Variants in CYSLTR2 observed in about 807,000 individuals in gnomAD.
CYSLTR2 encodes the protein cysteinyl leukotriene receptor 2, also known as G-protein coupled receptor GPCR21.
For synonymous variants in CYSLTR2, 179 were observed against 160.8 expected (o/e 1.11, Z -0.86); for missense variants, 398 against 411.9 (o/e 0.97, Z 0.29).
intron 1 of CYSLTR2, among the ~76,000 whole-genome samples, chr13:48,682,148 A>G (rs1300685291): frequency 6.6e-6 from 1 of 152,064 alleles, no homozygotes; most frequent in Admixed American, 6.6e-5. Flanking sequence ...TGCCCTGCCC[A>G]TCCAGAGCTG....
intron 3 of CYSLTR2, among the ~76,000 whole-genome samples, chr13:48,695,108 T>C: frequency 9.0e-6 from 1 of 111,346 alleles, no homozygotes; most frequent in African/African-American, 3.5e-5. Flanking sequence ...AGAGTCTCAC[T>C]CCATCACCCA....
At chr13:48,680,810 T>C (rs1468435074) in intron 1 of CYSLTR2, among the ~76,000 whole-genome samples, 1 of 140,886 alleles carries the variant, frequency 7.1e-6, no homozygotes, top group Admixed American at 7.1e-5. Context: ...CTTTTTTTTT[T>C]TTTTTTTTTT....
At chr13:48,687,529 TATCAATTATCTATC>T (rs1297309862) in intron 1 of CYSLTR2, among the ~76,000 whole-genome samples, 7 of 152,250 alleles carry the variant, frequency 4.6e-5, no homozygotes. Flanking sequence ...ATCTATTATC[TATCAATTATCTATC>T]ATCTATCAAT....
intron 3 of CYSLTR2, among the ~76,000 whole-genome samples, chr13:48,694,163 G>A (rs563012766): frequency 6.7e-6 from 1 of 150,270 alleles, no homozygotes; most frequent in East Asian, 1.9e-4. Flanking sequence ...TGTCTACAAT[G>A]AGGGCTGAGA....
chr13:48,683,940 A>C (rs1440290142), intron 1 of CYSLTR2, among the ~76,000 whole-genome samples: 2 of 152,170 alleles, frequency 1.3e-5, no homozygotes, highest in Non-Finnish European at 2.9e-5. Context: ...ATTATTTTAC[A>C]GACAGTCTCA....
rs189020321 is a variant in CYSLTR2, at chr13:48,665,203, A to T, written c.-266+11186A>T. On this transcript the variant is annotated intron_variant, in intron 1 of 4. Transcript: ENST00000682523. ...CGGTATGATTTTGATTCTTAAAAAA[A>T]TTTTTTTGAGACTTGTTTTGTGTCC... Among the ~76,000 whole-genome samples the T allele has an allele frequency of 5.7e-3, 860 of 152,104 alleles. 4 individuals are homozygous for T. Among genetic ancestry groups the T allele is most frequent in the Middle Eastern group, 0.014 (4 of 294 alleles).
At chr13:48,684,961 A>G (rs1953859223) in intron 1 of CYSLTR2, among the ~76,000 whole-genome samples, 1 of 152,248 alleles carries the variant, frequency 6.6e-6, no homozygotes, top group Non-Finnish European at 1.5e-5. Flanking sequence ...GCTGGTAAAT[A>G]CCTGAAGCTA....
chr13:48,705,631 A>G (rs923335409), intron 4 of CYSLTR2, among the ~76,000 whole-genome samples: 1 of 144,818 alleles, frequency 6.9e-6, no homozygotes, highest in African/African-American at 2.5e-5. Flanking sequence ...AAAGATATAC[A>G]TATATATATA....
chr13:48,707,193 A>AT lies in CYSLTR2; in HGVS notation c.379dup (p.Tyr127LeufsTer53). 1 of 1,614,116 alleles carries AT rather than the reference A, an allele frequency of 6.2e-7. No individual in the cohort carries two copies. The highest frequency in any genetic ancestry group is 8.5e-7 in the Non-Finnish European group (1 of 1,180,030). On this transcript the variant is annotated frameshift_variant, in exon 5 of 5. Transcript: ENST00000682523. LOFTEE classifies it low-confidence loss of function (END_TRUNC). ...CTTGTATGTCAACATGTACAGCAGT[A>AT]TTTATTTCCTGACCGTGCTGAGTGT...
chr13:48,674,261 A>G (rs910463049), intron 1 of CYSLTR2, among the ~76,000 whole-genome samples: 1 of 152,170 alleles, frequency 6.6e-6, no homozygotes, highest in African/African-American at 2.4e-5. Flanking sequence ...AGGTACACCA[A>G]TCAGATGTAG....
chr13:48,688,904 T>C (rs1427646949), intron 1 of CYSLTR2, among the ~76,000 whole-genome samples: 1 of 152,206 alleles, frequency 6.6e-6, no homozygotes, highest in African/African-American at 2.4e-5. Context: ...TTTCTCCACA[T>C]CCTCTCCAGC....
intron 4 of CYSLTR2, 56 bp from the exon 5 acceptor site, chr13:48,706,761 A>C: frequency 7.2e-7 from 1 of 1,395,380 alleles, no homozygotes; most frequent in Non-Finnish European, 9.9e-7. Context: ...AGTAAGCAAG[A>C]AGGAAAAAGG....
chr13:48,665,234 T>A (rs1339239217), intron 1 of CYSLTR2, among the ~76,000 whole-genome samples: 1 of 152,096 alleles, frequency 6.6e-6, no homozygotes, highest in Non-Finnish European at 1.5e-5. Flanking sequence ...TGTCCTAATA[T>A]ATTGTAAATC....
At chr13:48,672,105 A>G (rs983170352) in intron 1 of CYSLTR2, among the ~76,000 whole-genome samples, 2 of 152,030 alleles carry the variant, frequency 1.3e-5, no homozygotes, top group African/African-American at 4.8e-5. Flanking sequence ...GGTAGTTTGT[A>G]TTTCTATGGG....
chr13:48,657,291 A>G (rs909503716), intron 1 of CYSLTR2, among the ~76,000 whole-genome samples: 8 of 152,190 alleles, frequency 5.3e-5, no homozygotes, highest in Admixed American at 1.3e-4. Context: ...AAAGAAATCT[A>G]GTTATTATTC....
intron 1 of CYSLTR2, among the ~76,000 whole-genome samples, chr13:48,654,272 T>A (rs1200379278): frequency 9.5e-6 from 1 of 105,066 alleles, no homozygotes; most frequent in East Asian, 2.7e-4. Flanking sequence ...TGTGTGTGTG[T>A]GTGTGTGTGT....
intron 1 of CYSLTR2, among the ~76,000 whole-genome samples, chr13:48,685,285 AACTC>A (rs1161539919): frequency 1.6e-5 from 2 of 124,898 alleles, no homozygotes; most frequent in Admixed American, 8.1e-5. Context: ...CACTCACGAG[AACTC>A]ACTCACTATC....
intron 1 of CYSLTR2, among the ~76,000 whole-genome samples, chr13:48,683,924 A>T (rs1401000858): frequency 1.3e-5 from 2 of 152,060 alleles, no homozygotes; most frequent in Non-Finnish European, 2.9e-5. Context: ...GTCACTTTTT[A>T]AAAAAATTAT....
chr13:48,680,901 G>A (rs1016231595), intron 1 of CYSLTR2, among the ~76,000 whole-genome samples: 1 of 147,228 alleles, frequency 6.8e-6, no homozygotes, highest in Non-Finnish European at 1.5e-5. Context: ...ATATTTTAAA[G>A]GTTTCTCAAG....
Sources: gnomAD v4.1 joint callset for allele counts (sites outside exome capture counted in the v4.1 genomes callset) on GRCh38, gnomAD v4.1.1 for gene constraint, MANE v1.5 for transcripts, NCBI Gene and HGNC (gene_info 2026-07-23, HGNC 2026-07-21) for gene names.